XKR4: variants seen among roughly 807,000 people sequenced by gnomAD.
XKR4 encodes XK related 4.
A neutral mutation model predicts 53.9 loss-of-function variants in XKR4; 12 were observed. That is an observed-to-expected ratio of 0.22 (90% CI 0.14 to 0.36). XKR4 has a LOEUF of 0.36. Among genes scored for constraint, XKR4 ranks in the 10% least tolerant of loss-of-function variants. XKR4 has a pLI of 1.00. For missense variants in XKR4, 799 were observed against 859.5 expected, an observed-to-expected ratio of 0.93 and a Z score of 0.88; for synonymous variants, 354 against 362.4, an observed-to-expected ratio of 0.98 and a Z score of 0.26.
At chr8:55,311,156 T>C (rs1819381953) in intron 1 of XKR4, among the ~76,000 whole-genome samples, 1 of 152,228 alleles carries the variant, frequency 6.6e-6, no homozygotes, top group Non-Finnish European at 1.5e-5. Context: ...GGAGCTCATG[T>C]GCCTCGAATT....
At chr8:55,135,889 C>CTTTTTTTTT (rs71256514) in intron 1 of XKR4, among the ~76,000 whole-genome samples, 1 of 146,026 alleles carries the variant, frequency 6.8e-6, no homozygotes, top group African/African-American at 2.5e-5. Flanking sequence ...AACATGCTCA[C>CTTTTTTTTT]TTTTTTTTTT....
intron 2 of XKR4, among the ~76,000 whole-genome samples, chr8:55,504,761 A>C (rs192721653): frequency 1.3e-5 from 2 of 152,040 alleles, no homozygotes; most frequent in East Asian, 3.9e-4. Context: ...CAAATTTTTT[A>C]TTTCTTTATG....
chr8:55,270,957 T>C (rs1361880320), intron 1 of XKR4, among the ~76,000 whole-genome samples: 1 of 152,180 alleles, frequency 6.6e-6, no homozygotes, highest in Non-Finnish European at 1.5e-5. Flanking sequence ...CTCATTTCCA[T>C]TGGCCAGAAC....
chr8:55,472,437 G>T (rs772404710), intron 2 of XKR4, among the ~76,000 whole-genome samples: 5 of 152,084 alleles, frequency 3.3e-5, no homozygotes, highest in Non-Finnish European at 7.3e-5. Context: ...GCATTGTTAT[G>T]CTGACTATTA....
intron 1 of XKR4, among the ~76,000 whole-genome samples, chr8:55,226,482 T>A (rs375339796): frequency 6.6e-6 from 1 of 152,150 alleles, no homozygotes; most frequent in Non-Finnish European, 1.5e-5. Flanking sequence ...TTACACTCAA[T>A]GTCCAGGAGA....
intron 1 of XKR4, among the ~76,000 whole-genome samples, chr8:55,224,924 G>A (rs1374207467): frequency 3.3e-5 from 5 of 152,164 alleles, no homozygotes; most frequent in African/African-American, 9.7e-5. Context: ...GTTAAAAGAC[G>A]TTAAGAATAA....
chr8:55,365,539 TA>T lies in XKR4; in HGVS notation c.1006+7663del, dbSNP rs1803967154. Among the ~76,000 whole-genome samples the T allele has an allele frequency of 1.3e-5, 2 of 152,056 alleles. 1 individual carries two copies. Among genetic ancestry groups the T allele is most frequent in the Non-Finnish European group, 2.9e-5 (2 of 68,008 alleles). On this transcript the variant is annotated intron_variant, in intron 2 of 2. Transcript: ENST00000327381. Reference sequence around the variant, plus strand: ...GACCAACGTGGAGAAACCCCGGCTCTACTAAAATTACAAAAAAATTAGCCGG... The same window carrying T: ...GACCAACGTGGAGAAACCCCGGCTCTCTAAAATTACAAAAAAATTAGCCGG...
At chr8:55,213,673 A>G (rs560636598) in intron 1 of XKR4, among the ~76,000 whole-genome samples, 1 of 152,268 alleles carries the variant, frequency 6.6e-6, no homozygotes, top group East Asian at 1.9e-4. Flanking sequence ...CGATAAACTA[A>G]GTTCCTCCCA....
chr8:55,311,344 G>A (rs1353375533), intron 1 of XKR4, among the ~76,000 whole-genome samples: 2 of 152,192 alleles, frequency 1.3e-5, no homozygotes, highest in Non-Finnish European at 2.9e-5. Flanking sequence ...GTCAGAGAGG[G>A]GCTCAGAGGG....
chr8:55,451,652 C>G, intron 2 of XKR4: 1 of 1,558,206 alleles, frequency 6.4e-7, no homozygotes. Flanking sequence ...AGGGCGTTGT[C>G]CTGGACACTC....
chr8:55,499,884 T>A (rs1806409433), intron 2 of XKR4, among the ~76,000 whole-genome samples: 1 of 152,228 alleles, frequency 6.6e-6, no homozygotes, highest in Non-Finnish European at 1.5e-5. Flanking sequence ...CTCCAGTATG[T>A]GAATTTCTCA....
At chr8:55,256,484 G>C (rs909282035) in intron 1 of XKR4, among the ~76,000 whole-genome samples, 2 of 152,222 alleles carry the variant, frequency 1.3e-5, no homozygotes, top group African/African-American at 4.8e-5. Flanking sequence ...AAAGGAGATA[G>C]TAATTTGGGA....
chr8:55,526,889 G>C lies in XKR4; in HGVS notation c.*2662G>C, dbSNP rs1806888923. ...GCAGTCAGGAGAATGTAAGGAGGTT[G>C]AATTTTTCAGTGATTTCCCAAATAC... On this transcript the variant is annotated 3_prime_UTR_variant, in exon 3 of 3. Coordinates refer to ENST00000327381, the MANE Select transcript of XKR4 (RefSeq NM_052898.2). The C allele has an allele frequency of 6.6e-6, 1 of 152,160 alleles. No individual in the cohort carries two copies. 9.4% of individuals were successfully genotyped at this position (152,160 alleles called of 1,614,324 possible). A position where few individuals can be genotyped will look rare whatever the true frequency, so the allele number is the denominator to read the frequency against.
chr8:55,474,152 T>C (rs925558223), intron 2 of XKR4, among the ~76,000 whole-genome samples: 1 of 152,040 alleles, frequency 6.6e-6, no homozygotes, highest in Non-Finnish European at 1.5e-5. Flanking sequence ...TCAAGGGATC[T>C]TCCCACCTCT....
intron 2 of XKR4, among the ~76,000 whole-genome samples, chr8:55,382,948 G>T (rs573543428): frequency 6.6e-6 from 1 of 152,196 alleles, no homozygotes; most frequent in African/African-American, 2.4e-5. Context: ...CTGAGGCCGG[G>T]CGTGGTGTAA....
chr8:55,206,034 G>A (rs963667522), intron 1 of XKR4, among the ~76,000 whole-genome samples: 21 of 152,300 alleles, frequency 1.4e-4, no homozygotes, highest in African/African-American at 4.6e-4. Flanking sequence ...GGAGTTGTTT[G>A]TTCCTACCGG....
At chr8:55,212,237 A>G (rs1318011840) in intron 1 of XKR4, among the ~76,000 whole-genome samples, 1 of 152,204 alleles carries the variant, frequency 6.6e-6, no homozygotes, top group Non-Finnish European at 1.5e-5. Flanking sequence ...AGACTTTAAA[A>G]GGTACCATAC....
intron 2 of XKR4, among the ~76,000 whole-genome samples, chr8:55,371,650 T>C (rs1804071345): frequency 6.6e-6 from 1 of 152,242 alleles, no homozygotes; most frequent in Admixed American, 6.5e-5. Context: ...GTTGGCCATA[T>C]GGCTCCACTT....
intron 1 of XKR4, among the ~76,000 whole-genome samples, chr8:55,279,746 T>C (rs1818811918): frequency 6.6e-6 from 1 of 152,146 alleles, no homozygotes; most frequent in African/African-American, 2.4e-5. Flanking sequence ...GTCTTCATCA[T>C]GAAGTCGTGC....
Sources: gnomAD v4.1 joint callset for allele counts (sites outside exome capture counted in the v4.1 genomes callset) on GRCh38, gnomAD v4.1.1 for gene constraint, MANE v1.5 for transcripts, NCBI Gene and HGNC (gene_info 2026-07-23, HGNC 2026-07-21) for gene names.